Variants in DNAI4 observed in about 807,000 individuals in gnomAD.
DNAI4 encodes WD repeat domain 78.
DNAI4 carries 85 observed loss-of-function variants against 105.8 expected under a neutral mutation model. That is an observed-to-expected ratio of 0.80 (90% CI 0.67 to 0.96). The LOEUF (loss-of-function observed/expected upper bound fraction) is 0.96. Ranked by LOEUF, DNAI4 falls within the 40% of genes least tolerant of loss-of-function variation. The pLI is 0.00. For missense variants in DNAI4, 1,014 were observed against 1,005.6 expected, an observed-to-expected ratio of 1.01 and a Z score of -0.11; for synonymous variants, 352 against 331.5, an observed-to-expected ratio of 1.06 and a Z score of -0.67.
chr1:66,858,301 C>T (rs1034612110), intron 7 of DNAI4, among the ~76,000 whole-genome samples: 3 of 151,156 alleles, frequency 2.0e-5, no homozygotes, highest in South Asian at 4.2e-4. Flanking sequence ...AGGCCGAGGC[C>T]GGCAGATCTT....
chr1:66,913,176 G>C (rs549523085), intron 1 of DNAI4, among the ~76,000 whole-genome samples: 39 of 152,298 alleles, frequency 2.6e-4, no homozygotes, highest in African/African-American at 8.9e-4. Context: ...CCCTAGGTAA[G>C]TAACTGACTT....
At position 66,924,837 on chromosome 1, in the gene DNAI4, C is replaced by G. The variant is rs974949288; in HGVS notation, c.-6G>C. 4 of 1,613,356 alleles carry G rather than the reference C, an allele frequency of 2.5e-6. No homozygotes were observed. The African/African-American group carries it at 4.0e-5, about 16-fold the overall frequency. On this transcript the variant is annotated 5_prime_UTR_variant, in exon 1 of 17. Transcript: ENST00000371026. ...GAATGTTTGCCGGGCGTCATGGCGACGGTGGAGCCCTGGCTCAACAAGCGG... is the reference window on the plus strand; with the variant it reads ...GAATGTTTGCCGGGCGTCATGGCGAGGGTGGAGCCCTGGCTCAACAAGCGG...
chr1:66,873,941 T>G (rs148003490), intron 5 of DNAI4, among the ~76,000 whole-genome samples: 1 of 150,758 alleles, frequency 6.6e-6, no homozygotes, highest in African/African-American at 2.4e-5. Flanking sequence ...ATCTAACATG[T>G]ACTATGTTTT....
intron 4 of DNAI4, among the ~76,000 whole-genome samples, chr1:66,888,182 G>T (rs1233321531): frequency 6.6e-6 from 1 of 151,934 alleles, no homozygotes; most frequent in Non-Finnish European, 1.5e-5. Flanking sequence ...ATATTTATCA[G>T]CATACTTACT....
chr1:66,895,804 T>C (rs1310867550), intron 2 of DNAI4, among the ~76,000 whole-genome samples: 5 of 152,222 alleles, frequency 3.3e-5, no homozygotes, highest in South Asian at 4.1e-4. Context: ...AATGATCATA[T>C]GCTTTTTTAC....
intron 6 of DNAI4, among the ~76,000 whole-genome samples, chr1:66,870,214 T>C (rs1646812595): frequency 6.6e-6 from 1 of 151,856 alleles, no homozygotes; most frequent in Admixed American, 6.6e-5. Flanking sequence ...GAGGTCGAGA[T>C]GGGAGGATCA....
intron 1 of DNAI4, among the ~76,000 whole-genome samples, chr1:66,912,902 C>T (rs1315240778): frequency 6.6e-6 from 1 of 152,048 alleles, no homozygotes; most frequent in Admixed American, 6.6e-5. Context: ...CTGAGAGCAC[C>T]CCCTTCAGAG....
chr1:66,838,530 C>T (rs1024710604), intron 9 of DNAI4, among the ~76,000 whole-genome samples: 2 of 152,184 alleles, frequency 1.3e-5, no homozygotes, highest in African/African-American at 4.8e-5. Flanking sequence ...GCAGCATGAG[C>T]TACCTAATAC....
rs1357461899 is a variant in DNAI4, at chr1:66,834,091, A to T, written c.1791T>A (p.Asp597Glu). Reference sequence around the variant, plus strand: ...TTTTGCCATCTCCTGTTGTTCCTCGATCTTGTTCTATCCACTGTAGTTGCC... The same window carrying T: ...TTTTGCCATCTCCTGTTGTTCCTCGTTCTTGTTCTATCCACTGTAGTTGCC... ...PVWQLQWIEQ[D>E]RGTTGDGKRE... Residue 597 changes from aspartate (D) to glutamate (E), a missense_variant, in exon 12 of 17, where the codon GAT (aspartate) becomes GAA (glutamate). Transcript: ENST00000371026. The T allele has an allele frequency of 6.2e-7, 1 of 1,612,470 alleles. No individual in the cohort carries two copies. The highest frequency in any genetic ancestry group is 1.1e-5 in the South Asian group (1 of 90,804).
chr1:66,883,189 T>A (rs1386358879), intron 4 of DNAI4, among the ~76,000 whole-genome samples: 2 of 149,202 alleles, frequency 1.3e-5, no homozygotes, highest in African/African-American at 4.9e-5. Flanking sequence ...TCTTTTTTTT[T>A]TTTTTTTTTT....
At chr1:66,885,887 T>G (rs182069355) in intron 4 of DNAI4, among the ~76,000 whole-genome samples, 103 of 152,320 alleles carry the variant, frequency 6.8e-4, no homozygotes, top group African/African-American at 2.3e-3. Context: ...TTTTTGTATC[T>G]GTTGTTTAGT....
Position 66,823,841 on chromosome 1 carries a change from T to C in DNAI4, c.2340-1324A>G, listed in dbSNP as rs1013237574. ...GTCAGATGAGTAGGTTGTGAAAATTTTCTCCCATTTTGTAGGTTGTCTGTT... is the reference window on the plus strand; with the variant it reads ...GTCAGATGAGTAGGTTGTGAAAATTCTCTCCCATTTTGTAGGTTGTCTGTT... On this transcript the variant is annotated intron_variant, in intron 15 of 16. Coordinates refer to ENST00000371026, the MANE Select transcript of DNAI4 (RefSeq NM_024763.5). Among the ~76,000 whole-genome samples the C allele has an allele frequency of 1.3e-3, 192 of 151,250 alleles. 1 individual carries two copies. Among genetic ancestry groups the C allele is most frequent in the African/African-American group, 4.5e-3 (184 of 41,232 alleles).
At chr1:66,901,270 TCA>T (rs955242262) in intron 2 of DNAI4, among the ~76,000 whole-genome samples, 1 of 152,204 alleles carries the variant, frequency 6.6e-6, no homozygotes, top group African/African-American at 2.4e-5. Context: ...CTCTTTTTTT[TCA>T]GTTTCTTCAG....
chr1:66,919,154 T>C, intron 1 of DNAI4: 1 of 432,816 alleles, frequency 2.3e-6, no homozygotes, highest in South Asian at 1.7e-5. Flanking sequence ...CTGACCACCT[T>C]AGGCACATGT....
At position 66,920,063 on chromosome 1, in the gene DNAI4, G is replaced by C. The variant is rs1650353582; in HGVS notation, c.170+4599C>G. 2.0e-5 allele frequency among the ~76,000 whole-genome samples: 3 copies of C among 152,178 alleles called. No individual in the cohort carries two copies. The South Asian group carries it at 6.2e-4, about 31-fold the overall frequency. On this transcript the variant is annotated intron_variant, in intron 1 of 16. Transcript: ENST00000371026. ...AACATACATCTGTGTTTTCCTGCTT[G>C]AATGCTGCCTTTTCAAAACCACCCA...
rs753777835 is a variant in DNAI4 at position 66,840,575 on chromosome 1, G to T, written c.1388C>A (p.Ala463Glu). 35 of 1,614,070 alleles carry T rather than the reference G, an allele frequency of 2.2e-5. No homozygotes were observed. The Admixed American group carries it at 5.7e-4, about 26-fold the overall frequency. Residue 463 changes from alanine to glutamate, a missense_variant, in exon 9 of 17, where the codon GCA becomes GAA. By Grantham distance (107) the Ala-to-Glu change is moderately radical. Transcript: ENST00000371026. ...GTTGGCGGGTATTGTTGATTCTTCTGCATGTATTTCTTCTTCCTCCTCCTT... is the reference window on the plus strand; with the variant it reads ...GTTGGCGGGTATTGTTGATTCTTCTTCATGTATTTCTTCTTCCTCCTCCTT... ...SKKEEEEEIH[A>E]EESTIPANLE...
At chr1:66,824,613 G>GAGGT (rs1406786837) in intron 15 of DNAI4, among the ~76,000 whole-genome samples, 19 of 151,580 alleles carry the variant, frequency 1.3e-4, no homozygotes, top group African/African-American at 4.6e-4. Context: ...TCTCCTTGAA[G>GAGGT]AGGTCCTTCA....
intron 6 of DNAI4, among the ~76,000 whole-genome samples, chr1:66,862,553 A>G (rs906782608): frequency 2.6e-5 from 4 of 152,092 alleles, no homozygotes; most frequent in Non-Finnish European, 4.4e-5. Flanking sequence ...ACATGGTAAG[A>G]CCCTCTCTTT....
At chr1:66,823,358 G>T (rs7364643) in intron 15 of DNAI4, among the ~76,000 whole-genome samples, 1 of 151,846 alleles carries the variant, frequency 6.6e-6, no homozygotes, top group African/African-American at 2.4e-5. Context: ...GAATAATGCC[G>T]CAATAAACAT....
Sources: allele counts gnomAD v4.1 joint callset (sites outside exome capture counted in the v4.1 genomes callset), GRCh38; gene constraint gnomAD v4.1.1; transcripts MANE v1.5; gene names NCBI Gene and HGNC (gene_info 2026-07-23, HGNC 2026-07-21).